The following NAV2 variants were observed in gnomAD, a reference collection of about 807,000 sequenced individuals.
The protein encoded by NAV2 is neuron navigator 2.
Under a neutral mutation model 223.2 loss-of-function variants are expected in NAV2, and 54 were observed. That is an observed-to-expected ratio of 0.24 (90% CI 0.19 to 0.30). The LOEUF (loss-of-function observed/expected upper bound fraction) is 0.30. Ranked by LOEUF, NAV2 falls within the 10% of genes least tolerant of loss-of-function variation. The probability of loss-of-function intolerance (pLI) is 1.00; values close to 1 mark genes in which losing one functional copy is unlikely to be tolerated. For missense variants in NAV2, 2,806 were observed against 3,147.5 expected, an observed-to-expected ratio of 0.89 and a Z score of 2.60; for synonymous variants, 1,279 against 1,239.3, an observed-to-expected ratio of 1.03 and a Z score of -0.67.
intron 1 of NAV2, among the ~76,000 whole-genome samples, chr11:19,541,926 G>T (rs1369762493): frequency 1.3e-5 from 2 of 152,140 alleles, no homozygotes; most frequent in Non-Finnish European, 2.9e-5. Context: ...GCTGGAAAGG[G>T]GCTTTGATTT....
chr11:19,485,497 C>T (rs2042413384), intron 1 of NAV2, among the ~76,000 whole-genome samples: 1 of 152,142 alleles, frequency 6.6e-6, no homozygotes, highest in Admixed American at 6.5e-5. Context: ...CCATCCACTC[C>T]CAAATATCTT....
At chr11:19,853,182 T>A (rs1366953863) in intron 3 of NAV2, among the ~76,000 whole-genome samples, 1 of 152,196 alleles carries the variant, frequency 6.6e-6, no homozygotes, top group Non-Finnish European at 1.5e-5. Context: ...GAATTTGCAT[T>A]TTTGACAGTC....
intron 28 of NAV2, among the ~76,000 whole-genome samples, chr11:20,092,579 A>C (rs1363260409): frequency 6.6e-6 from 1 of 152,098 alleles, no homozygotes; most frequent in African/African-American, 2.4e-5. Context: ...CAGCACCCCA[A>C]ATTCTCCAAG....
At chr11:19,602,917 C>T (rs1008725844) in intron 1 of NAV2, among the ~76,000 whole-genome samples, 2 of 152,136 alleles carry the variant, frequency 1.3e-5, no homozygotes, top group African/African-American at 2.4e-5. Flanking sequence ...TATCATTTAG[C>T]GGACCACCAT....
intron 1 of NAV2, among the ~76,000 whole-genome samples, chr11:19,768,923 G>A (rs2055466745): frequency 2.0e-5 from 3 of 152,290 alleles, no homozygotes; most frequent in East Asian, 3.9e-4. Flanking sequence ...AAGTCCACTT[G>A]TCTTGAGAAC....
chr11:20,072,976 A>G (rs1333854182), intron 22 of NAV2, among the ~76,000 whole-genome samples: 1 of 152,170 alleles, frequency 6.6e-6, no homozygotes, highest in Non-Finnish European at 1.5e-5. Flanking sequence ...TACTATGTTG[A>G]ATAGGAGCGG....
intron 1 of NAV2, among the ~76,000 whole-genome samples, chr11:19,776,734 CA>C (rs2056248650): frequency 6.6e-6 from 1 of 150,494 alleles, no homozygotes; most frequent in African/African-American, 2.4e-5. Context: ...CCAACTGCTC[CA>C]GGGGGAGGCG....
chr11:20,009,731 C>G (rs995663942), intron 11 of NAV2, among the ~76,000 whole-genome samples: 4 of 152,176 alleles, frequency 2.6e-5, no homozygotes, highest in African/African-American at 9.7e-5. Flanking sequence ...CTTCTCCTCT[C>G]TTCAACCACA....
Position 19,500,007 on chromosome 11 carries a change from TCC to T in NAV2, c.75+148981_75+148982del, listed in dbSNP as rs540451788. Among the ~76,000 whole-genome samples the T allele has an allele frequency of 1.7e-3, 251 of 151,490 alleles. 1 individual carries two copies. Among genetic ancestry groups the T allele is most frequent in the Non-Finnish European group, 3.2e-3 (215 of 67,736 alleles). ...ACACACACAACCACACACACACACA[TCC>T]ACACACACGCACACACACACCCTCT... On this transcript the variant is annotated intron_variant, in intron 1 of 37. Coordinates refer to the NAV2 transcript ENST00000360655.
chr11:20,059,859 C>A (rs2058596904), intron 19 of NAV2, among the ~76,000 whole-genome samples: 1 of 152,208 alleles, frequency 6.6e-6, no homozygotes, highest in Non-Finnish European at 1.5e-5. Flanking sequence ...CTCCCACAGG[C>A]ATTTTGTTGT....
intron 1 of NAV2, among the ~76,000 whole-genome samples, chr11:19,667,984 C>A: frequency 6.6e-6 from 1 of 152,248 alleles, no homozygotes; most frequent in Non-Finnish European, 1.5e-5. Flanking sequence ...AGGTCCCTTG[C>A]AGCCTGTCTT....
At chr11:19,833,601 G>T (rs2060068371) in intron 2 of NAV2, among the ~76,000 whole-genome samples, 1 of 152,182 alleles carries the variant, frequency 6.6e-6, no homozygotes, top group Non-Finnish European at 1.5e-5. Context: ...TTCTGTTGCT[G>T]TATAACAAAT....
At chr11:20,095,927 G>A (rs1323383269) in intron 30 of NAV2, among the ~76,000 whole-genome samples, 160 bp downstream of exon 30, 2 of 152,170 alleles carry the variant, frequency 1.3e-5, no homozygotes, top group African/African-American at 2.4e-5. Flanking sequence ...GCTCTCAAGG[G>A]AATGGAAGGA....
rs78615821 is a variant in NAV2, at chr11:19,634,579, G to A, written c.76-197905G>A. ...CATTTATTCGTCCATCCATTCATTC[G>A]TTCCTTCAAAAAAACATTTACTCAA... On this transcript the variant is annotated intron_variant, in intron 1 of 37. Coordinates refer to the NAV2 transcript ENST00000360655. Among the ~76,000 whole-genome samples, 490 of 152,058 alleles carry A rather than the reference G, an allele frequency of 3.2e-3. 3 individuals carry two copies. The highest frequency in any genetic ancestry group is 0.011 in the African/African-American group (467 of 41,446).
chr11:19,662,389 C>T (rs1365458446), intron 1 of NAV2, among the ~76,000 whole-genome samples: 1 of 152,232 alleles, frequency 6.6e-6, no homozygotes, highest in Non-Finnish European at 1.5e-5. Flanking sequence ...CCCTGCCCAT[C>T]AGTGGGGTGA....
At chr11:19,668,825 C>CT (rs1471269269) in intron 1 of NAV2, among the ~76,000 whole-genome samples, 1 of 152,128 alleles carries the variant, frequency 6.6e-6, no homozygotes, top group Admixed American at 6.5e-5. Context: ...ATCCCTGGCT[C>CT]TCTCCCTTAG....
At chr11:19,757,318 G>A (rs2152523702) in intron 1 of NAV2, among the ~76,000 whole-genome samples, 1 of 152,136 alleles carries the variant, frequency 6.6e-6, no homozygotes, top group Non-Finnish European at 1.5e-5. Context: ...GGAGGCCTAG[G>A]GCTCCTGTTT....
At chr11:19,804,417 T>C (rs1361571166) in intron 1 of NAV2, among the ~76,000 whole-genome samples, 1 of 152,204 alleles carries the variant, frequency 6.6e-6, no homozygotes, top group East Asian at 1.9e-4. Flanking sequence ...CAGTCTTTTT[T>C]AGTCCATTTG....
At chr11:19,535,647 G>A (rs779337534) in intron 1 of NAV2, among the ~76,000 whole-genome samples, 15 of 152,136 alleles carry the variant, frequency 9.9e-5, no homozygotes, top group East Asian at 1.9e-4. Context: ...ATCTCTCAGC[G>A]GTTTCTTCCA....
Sources: allele counts gnomAD v4.1 joint callset (sites outside exome capture counted in the v4.1 genomes callset), GRCh38; gene constraint gnomAD v4.1.1; transcripts MANE v1.5; gene names NCBI Gene and HGNC (gene_info 2026-07-23, HGNC 2026-07-21).